RYR1: variants seen among roughly 807,000 people sequenced by gnomAD.
RYR1 encodes ryanodine receptor 1.
RYR1 carries 342 observed loss-of-function variants against 583.5 expected under a neutral mutation model. The ratio of observed to expected loss-of-function variants is 0.59; its 90% CI spans 0.54 to 0.64. RYR1 has a LOEUF of 0.64. Ranked by LOEUF, RYR1 falls within the 30% of genes least tolerant of loss-of-function variation. The probability of loss-of-function intolerance (pLI) is 0.00; values close to 1 mark genes in which losing one functional copy is unlikely to be tolerated. For synonymous variants in RYR1, 2,791 were observed against 2,822.5 expected (o/e 0.99, Z 0.35); for missense variants, 6,032 against 6,917.2 (o/e 0.87, Z 4.54).
At chr19:38,505,997 A>G (rs773000170) in intron 54 of RYR1, 51 bp downstream of exon 54, 1 of 1,595,492 alleles carries the variant, frequency 6.3e-7, no homozygotes, top group African/African-American at 1.3e-5. Context: ...GGGAGGGTCT[A>G]GAACAAGGGG....
intron 101 of RYR1, 27 bp downstream of exon 101, chr19:38,580,531 A>C (rs987428679): frequency 6.2e-7 from 1 of 1,613,334 alleles, no homozygotes; most frequent in African/African-American, 1.3e-5. Context: ...GCACTCTGGG[A>C]CCCTTCCTTC....
chr19:38,576,647 A>G (rs1973967507), intron 97 of RYR1, among the ~76,000 whole-genome samples: 1 of 151,986 alleles, frequency 6.6e-6, no homozygotes, highest in South Asian at 2.1e-4. Flanking sequence ...CTGCATCTCT[A>G]CTAAAAACAC....
Position 38,565,912 on chromosome 19 carries a change from T to A in RYR1, c.13437+141T>A. The stretch of plus-strand genomic sequence containing the variant: ...CACGCACCCACGGAGGACGCACCCA[T>A]GGAGGACGCACACGGGGACAGCGGG... On this transcript the variant is annotated intron_variant, in intron 91 of 105. Coordinates refer to ENST00000359596, the MANE Select transcript of RYR1 (RefSeq NM_000540.3). This position sits in a 1 kb window ranked among gnomAD's most constrained non-coding sequence, Gnocchi z 4.7. The A allele has an allele frequency of 2.0e-6, 2 of 1,006,354 alleles. No individual in the cohort carries two copies. The highest frequency in any genetic ancestry group is 2.6e-6 in the Non-Finnish European group (2 of 763,638). 62.3% of individuals were successfully genotyped at this position (1,006,354 alleles called of 1,614,324 possible).
intron 89 of RYR1, among the ~76,000 whole-genome samples, chr19:38,557,789 A>T (rs369093257): frequency 6.6e-6 from 1 of 150,932 alleles, no homozygotes; most frequent in East Asian, 2.0e-4. Context: ...GGGTGACAAG[A>T]GCGAAATTCT....
At chr19:38,472,848 A>G (rs1968496115) in intron 27 of RYR1, among the ~76,000 whole-genome samples, 1 of 147,464 alleles carries the variant, frequency 6.8e-6, no homozygotes. Context: ...AAAAAAAAAA[A>G]AAAAAAAAAG....
rs55876273 is a variant in RYR1, at chr19:38,527,707, G to C, written c.10747G>C (p.Glu3583Gln). Residue 3583 changes from glutamate to glutamine, a missense_variant, in exon 73 of 106, where the codon GAG becomes CAG. By Grantham distance (29) the Glu-to-Gln change is conservative (BLOSUM62 2). Around this residue, in one of 11 missense-constraint regions of RYR1, gnomAD observed 1,493 missense variants for 1,715.5 expected, o/e 0.87. Coordinates refer to ENST00000359596, the MANE Select transcript of RYR1 (RefSeq NM_000540.3). Reference protein sequence around the residue: ...MALYRGVPGREEDADDPEKIV... With the variant: ...MALYRGVPGRQEDADDPEKIV... ...TCTGTACCGGGGCGTCCCGGGTCGC[G>C]AGGAGGACGCCGATGACCCCGAGAA... The C allele has an allele frequency of 0.019, 31,155 of 1,614,116 alleles. 390 individuals carry two copies. Among genetic ancestry groups the C allele is most frequent in the South Asian group, 0.026 (2,358 of 91,074 alleles).
intron 9 of RYR1, 74 bp downstream of exon 9, chr19:38,446,842 C>T: frequency 8.4e-7 from 1 of 1,190,674 alleles, no homozygotes; most frequent in Non-Finnish European, 1.2e-6. Flanking sequence ...CAGAAAAGGT[C>T]TTGAGGGAAG....
At chr19:38,523,865 G>A in intron 69 of RYR1, 50 bp from the exon 70 acceptor site, 1 of 1,613,860 alleles carries the variant, frequency 6.2e-7, no homozygotes, top group Non-Finnish European at 8.5e-7. Context: ...GGGCTTCTCT[G>A]CGGGGCTGGG....
intron 87 of RYR1, among the ~76,000 whole-genome samples, chr19:38,544,822 G>A (rs922426861): frequency 1.3e-5 from 2 of 152,024 alleles, no homozygotes; most frequent in South Asian, 2.1e-4. Context: ...TAATTCATCC[G>A]CCACCATCTA....
intron 54 of RYR1, 94 bp from the exon 55 acceptor site, chr19:38,506,209 G>A (rs1395722535): frequency 1.1e-5 from 15 of 1,327,710 alleles, no homozygotes; most frequent in Admixed American, 1.8e-5. Flanking sequence ...GAGGGTGGAG[G>A]GGGTAGAATG....
At chr19:38,509,871 G>C (rs915740289) in intron 58 of RYR1, among the ~76,000 whole-genome samples, 1 of 150,830 alleles carries the variant, frequency 6.6e-6, no homozygotes, top group Non-Finnish European at 1.5e-5. Context: ...TGTTTCATTT[G>C]GTTCATTCAT....
intron 37 of RYR1, among the ~76,000 whole-genome samples, chr19:38,492,083 CA>C (rs759600754): frequency 2.6e-5 from 4 of 151,852 alleles, no homozygotes; most frequent in African/African-American, 7.3e-5. Flanking sequence ...TAAATGAGGC[CA>C]GGGGTGGTGG....
chr19:38,502,890 C>A lies in RYR1; in HGVS notation c.7846C>A (p.Pro2616Thr). 6.2e-7 allele frequency: 1 copy of A among 1,611,210 alleles called. No homozygotes were observed. Among genetic ancestry groups the A allele is most frequent in the Non-Finnish European group, 8.5e-7 (1 of 1,179,988 alleles). ...TGCATTGTCCCGCAGGTACATCCGC[C>A]CGTCGATGCTGCAGCACCTGTTGCG... ...CLMSLCRYIR[P>T]SMLQHLLRRL... is the part of the protein sequence containing the mutation. Residue 2616 changes from proline (P) to threonine (T), a missense_variant, in exon 49 of 106, where the codon CCG becomes ACG. By Grantham distance (38) the Pro-to-Thr change is conservative. Coordinates refer to ENST00000359596, the MANE Select transcript of RYR1 (RefSeq NM_000540.3).
In RYR1 at chr19:38,458,278, T is replaced by C; in HGVS notation, c.2153T>C (p.Leu718Pro). 6.2e-7 allele frequency: 1 copy of C among 1,613,956 alleles called. No individual in the cohort carries two copies. Among genetic ancestry groups the C allele is most frequent in the Non-Finnish European group, 8.5e-7 (1 of 1,180,010 alleles). ...DDLYSYGFDG[L>P]HLWTGHVARP... ...CTCTATTCCTACGGCTTTGATGGAC[T>C]GCATCTCTGGACAGGTACCTGACCC... Residue 718 changes from leucine (L) to proline (P), a missense_variant, in exon 18 of 106, where the codon CTG (leucine) becomes CCG (proline). By Grantham distance (98) the Leu-to-Pro change is moderately conservative. This residue lies in a region of RYR1 where 2,627 missense variants were observed against 2,961.3 expected (regional missense o/e 0.89). Coordinates refer to ENST00000359596, the MANE Select transcript of RYR1 (RefSeq NM_000540.3).
chr19:38,483,524 C>A lies in RYR1; in HGVS notation c.4934+8C>A, dbSNP rs1178790480. ...CATCCCCGAGGAGAACCGGTCAGGG[C>A]CAGCCCAGCTATGCAGGGGTGGGCA... is the stretch of plus-strand genomic sequence containing the variant. On this transcript the variant is annotated splice_region_variant and intron_variant, in intron 33 of 105. Coordinates refer to ENST00000359596, the MANE Select transcript of RYR1 (RefSeq NM_000540.3). The surrounding 1 kb of genome is among the most constrained non-coding windows in gnomAD (Gnocchi z 6.3). 1 of 1,541,422 alleles carries A rather than the reference C, an allele frequency of 6.5e-7. No homozygotes were observed. Among genetic ancestry groups the A allele is most frequent in the Admixed American group, 2.0e-5 (1 of 51,160 alleles).
chr19:38,479,233 A>T (rs1429335327), intron 31 of RYR1, among the ~76,000 whole-genome samples: 1 of 152,166 alleles, frequency 6.6e-6, no homozygotes, highest in East Asian at 1.9e-4. Context: ...TCATACAGCA[A>T]AATTGAAGGA....
chr19:38,563,024 C>A (rs1354619243), intron 90 of RYR1, among the ~76,000 whole-genome samples: 1 of 152,180 alleles, frequency 6.6e-6, no homozygotes, highest in Non-Finnish European at 1.5e-5. Flanking sequence ...GCAGGAAGCC[C>A]CTGTTCACCA....
intron 89 of RYR1, among the ~76,000 whole-genome samples, chr19:38,548,949 T>C (rs1398995519): frequency 6.6e-6 from 1 of 152,240 alleles, no homozygotes; most frequent in Non-Finnish European, 1.5e-5. Flanking sequence ...TTATCTTTAT[T>C]GATAGTCATA....
At position 38,469,166 on chromosome 19, in the gene RYR1, C is replaced by A; in HGVS notation, c.3556+26C>A. The A allele has an allele frequency of 1.9e-6, 3 of 1,613,862 alleles. No homozygotes were observed. The South Asian group carries it at 3.3e-5, about 18-fold the overall frequency. Reference sequence around the variant, plus strand: ...GTGAGGGCTGAGACCCCTTCACATGCCCTTTCTTGTTTTCCTCTGTCTCTC... The same window carrying A: ...GTGAGGGCTGAGACCCCTTCACATGACCTTTCTTGTTTTCCTCTGTCTCTC... On this transcript the variant is annotated intron_variant, in intron 26 of 105. Transcript: ENST00000359596.
Sources: allele counts gnomAD v4.1 joint callset (sites outside exome capture counted in the v4.1 genomes callset), GRCh38; gene constraint gnomAD v4.1.1; regional missense constraint gnomAD v4.1.1; non-coding constraint Gnocchi (gnomAD v3.1); transcripts MANE v1.5; gene names NCBI Gene and HGNC (gene_info 2026-07-23, HGNC 2026-07-21).